The following DNMT3B variants were observed in gnomAD, a reference collection of about 807,000 sequenced individuals.
The protein encoded by DNMT3B is DNA methyltransferase 3 beta, also known as DNA (cytosine-5)-methyltransferase 3B.
A neutral mutation model predicts 120.2 loss-of-function variants in DNMT3B; 37 were observed. That is an observed-to-expected ratio of 0.31 (90% CI 0.24 to 0.40). The LOEUF is 0.40. DNMT3B is among the 10% of genes least tolerant of loss of function. The probability of loss-of-function intolerance (pLI) is 1.00; values close to 1 mark genes in which losing one functional copy is unlikely to be tolerated. For missense variants in DNMT3B, 878 were observed against 1,137.3 expected (o/e 0.77, Z 3.28); for synonymous variants, 412 against 442.8 (o/e 0.93, Z 0.87).
chr20:32,778,884 C>T (rs1021149009), intron 1 of DNMT3B, among the ~76,000 whole-genome samples: 10 of 151,996 alleles, frequency 6.6e-5, no homozygotes, highest in African/African-American at 1.2e-4. Context: ...TACAGGGAGC[C>T]GTGATCACGC....
intron 1 of DNMT3B, among the ~76,000 whole-genome samples, chr20:32,776,688 C>G (rs988855315): frequency 2.0e-4 from 30 of 152,040 alleles, no homozygotes; most frequent in African/African-American, 7.2e-4. Context: ...ATAAGTAAAG[C>G]CAAAACAGTG....
At chr20:32,790,297 G>A (rs1979827022) in intron 7 of DNMT3B, among the ~76,000 whole-genome samples, 1 of 152,228 alleles carries the variant, frequency 6.6e-6, no homozygotes, top group South Asian at 2.1e-4. Context: ...AGTAACTCAA[G>A]TGAAGGAAGA....
intron 1 of DNMT3B, among the ~76,000 whole-genome samples, chr20:32,765,261 G>A (rs753835753): frequency 7.9e-5 from 12 of 152,060 alleles, no homozygotes; most frequent in Non-Finnish European, 1.5e-4. Context: ...TTCATTTCAT[G>A]TGCAGGCCAC....
At chr20:32,807,048 A>T (rs1982054661) in intron 22 of DNMT3B, among the ~76,000 whole-genome samples, 1 of 152,220 alleles carries the variant, frequency 6.6e-6, no homozygotes, top group African/African-American at 2.4e-5. Context: ...ATTATTCTGT[A>T]TGGACCTAAA....
rs536500433 is a variant in DNMT3B, at chr20:32,763,922, G to T, written c.-7+1223G>T. Among the ~76,000 whole-genome samples, 4 of 152,318 alleles carry T rather than the reference G, an allele frequency of 2.6e-5. No homozygotes were observed. The South Asian group carries it at 6.2e-4, about 24-fold the overall frequency. ...TGGATGCGGTGGGTTGTGGCAGACG[G>T]GTGGCAGTTTTTGGGAAACAGCTGT... On this transcript the variant is annotated intron_variant, in intron 1 of 22. Coordinates refer to ENST00000328111, the MANE Select transcript of DNMT3B (RefSeq NM_006892.4).
chr20:32,762,539 C>CG lies in DNMT3B; in HGVS notation c.-165dup. The CG allele has an allele frequency of 3.0e-6, 1 of 335,574 alleles. No individual in the cohort carries two copies. Among genetic ancestry groups the CG allele is most frequent in the South Asian group, 2.3e-5 (1 of 44,162 alleles). 20.8% of individuals were successfully genotyped at this position (335,574 alleles called of 1,614,324 possible). On this transcript the variant is annotated 5_prime_UTR_variant, in exon 1 of 23. Transcript: ENST00000328111. ...CGAGCGGGCGGCAACGCTGCCCGGCCGGCAGCGCTGGGGTTAAGTGGCCCA... is the reference window on the plus strand; with the variant it reads ...CGAGCGGGCGGCAACGCTGCCCGGCCGGGCAGCGCTGGGGTTAAGTGGCCCA...
chr20:32,772,874 A>C (rs111619844), intron 1 of DNMT3B, among the ~76,000 whole-genome samples: 1 of 129,404 alleles, frequency 7.7e-6, no homozygotes, highest in Non-Finnish European at 1.6e-5. Flanking sequence ...GTTTGGACAC[A>C]TTTTTTTTTT....
chr20:32,794,688 T>C (rs906993804), intron 10 of DNMT3B, among the ~76,000 whole-genome samples: 2 of 152,192 alleles, frequency 1.3e-5, no homozygotes, highest in Admixed American at 1.3e-4. Context: ...ATGATTTTTT[T>C]AGCGCTAAAT....
rs190184490 is a variant in DNMT3B at position 32,773,007 on chromosome 20, C to T, written c.-6-7311C>T. On this transcript the variant is annotated intron_variant, in intron 1 of 22. Coordinates refer to ENST00000328111, the MANE Select transcript of DNMT3B (RefSeq NM_006892.4). Reference sequence around the variant, plus strand: ...CTAATTTTGTATTTTTAGTAGAGAGCGGGGTTTCTCCATGTTGGTCAGGCT... The same window carrying T: ...CTAATTTTGTATTTTTAGTAGAGAGTGGGGTTTCTCCATGTTGGTCAGGCT... Among the ~76,000 whole-genome samples, 286 of 150,982 alleles carry T rather than the reference C, an allele frequency of 1.9e-3. 6 individuals are homozygous for T. The highest frequency in any genetic ancestry group is 1.0e-3 in the Non-Finnish European group (68 of 67,858).
chr20:32,798,507 C>T lies in DNMT3B; in HGVS notation c.1538C>T (p.Ala513Val), dbSNP rs116943489. Residue 513 changes from alanine to valine, a missense_variant, in exon 15 of 23, where the codon GCG (alanine) becomes GTG (valine). This residue lies in a region of DNMT3B where 334 missense variants were observed against 518.8 expected (regional missense o/e 0.64). Transcript: ENST00000328111. ...GAGGTGCTGGTGGGCACAGGCACAG[C>T]GGCCGAGGCCAAGCTTCAGGAGCCC... is the stretch of plus-strand genomic sequence containing the variant. ...CLEVLVGTGT[A>V]AEAKLQEPWS... 772 of 1,614,184 alleles carry T rather than the reference C, an allele frequency of 4.8e-4. No homozygotes were observed. The highest frequency in any genetic ancestry group is 2.2e-3 in the East Asian group (97 of 44,880).
chr20:32,801,561 G>T, intron 19 of DNMT3B, 135 bp downstream of exon 19: 1 of 1,163,108 alleles, frequency 8.6e-7, no homozygotes. Context: ...CAATAGTGAG[G>T]GATTCAGTGG....
chr20:32,770,285 G>A lies in DNMT3B; in HGVS notation c.-7+7586G>A, dbSNP rs138402312. Reference sequence around the variant, plus strand: ...CCGCCACCTCATCAGGCTAGTTTTTGTAATTTTTTTTTTTTTCTGAGGCAG... The same window carrying A: ...CCGCCACCTCATCAGGCTAGTTTTTATAATTTTTTTTTTTTTCTGAGGCAG... On this transcript the variant is annotated intron_variant, in intron 1 of 22. Transcript: ENST00000328111. Among the ~76,000 whole-genome samples the A allele has an allele frequency of 9.0e-3, 1,353 of 151,144 alleles. 23 individuals are homozygous for A. The highest frequency in any genetic ancestry group is 0.032 in the African/African-American group (1,302 of 41,182).
At chr20:32,763,507 C>T (rs925855867) in intron 1 of DNMT3B, among the ~76,000 whole-genome samples, 1 of 152,240 alleles carries the variant, frequency 6.6e-6, no homozygotes, top group Non-Finnish European at 1.5e-5. Context: ...CCGTGTGCGG[C>T]TGGCCCCACT....
intron 18 of DNMT3B, 69 bp downstream of exon 18, chr20:32,800,994 G>A: frequency 6.3e-7 from 1 of 1,579,648 alleles, no homozygotes; most frequent in South Asian, 1.1e-5. Flanking sequence ...AGGTGCAGCA[G>A]CCTGAGAAGG....
chr20:32,765,220 C>T (rs1987237834), intron 1 of DNMT3B, among the ~76,000 whole-genome samples: 1 of 152,054 alleles, frequency 6.6e-6, no homozygotes, highest in Non-Finnish European at 1.5e-5. Context: ...TTTCCAGTTT[C>T]ACGGAGGACC....
At chr20:32,763,547 CCTCTAG>C (rs1233271651) in intron 1 of DNMT3B, among the ~76,000 whole-genome samples, 2 of 152,228 alleles carry the variant, frequency 1.3e-5, no homozygotes, top group African/African-American at 4.8e-5. Context: ...GGCCTCAAAA[CCTCTAG>C]CACCAGCTCC....
intron 9 of DNMT3B, 29 bp downstream of exon 9, chr20:32,792,799 G>A (rs766465154): frequency 1.4e-5 from 23 of 1,613,168 alleles, no homozygotes; most frequent in African/African-American, 4.0e-5. Flanking sequence ...GGCAGCACCC[G>A]CTGCCTCTGC....
chr20:32,797,924 C>T (rs1350515006), intron 14 of DNMT3B, among the ~76,000 whole-genome samples: 2 of 152,160 alleles, frequency 1.3e-5, no homozygotes, highest in South Asian at 2.1e-4. Context: ...CCTCTCAAAT[C>T]CCAGCACTCC....
chr20:32,795,515 GGATGAAGATCAGAGCCGAGGT>G lies in DNMT3B; in HGVS notation c.1237_1252+5del. 6.2e-7 allele frequency: 1 copy of G among 1,614,174 alleles called. No individual in the cohort carries two copies. On this transcript the variant is annotated splice_donor_variant and coding_sequence_variant, in exon 11 of 23. Coordinates refer to ENST00000328111, the MANE Select transcript of DNMT3B (RefSeq NM_006892.4). LOFTEE classifies it high-confidence loss of function. ...GCTATAACAACGGCAAAGACCGAGG[GGATGAAGATCAGAGCCGAGGT>G]GATTGTTGGGTACCTGGGATCATGG...
Sources: allele counts gnomAD v4.1 joint callset (sites outside exome capture counted in the v4.1 genomes callset), GRCh38; gene constraint gnomAD v4.1.1; regional missense constraint gnomAD v4.1.1; transcripts MANE v1.5; gene names NCBI Gene and HGNC (gene_info 2026-07-23, HGNC 2026-07-21).